The following HSD17B12 variants were observed in gnomAD, a reference collection of about 807,000 sequenced individuals.
HSD17B12 encodes very-long-chain 3-oxoacyl-CoA reductase.
Under a neutral mutation model 39.3 loss-of-function variants are expected in HSD17B12, and 32 were observed. That is an observed-to-expected ratio of 0.81 (90% CI 0.61 to 1.09). The LOEUF (loss-of-function observed/expected upper bound fraction) is 1.09, where lower values mean the gene tolerates loss of function less well. HSD17B12 is among the 50% of genes least tolerant of loss of function. HSD17B12 has a pLI of 0.00. For missense variants in HSD17B12, 342 were observed against 382.9 expected, an observed-to-expected ratio of 0.89 and a Z score of 0.89; for synonymous variants, 150 against 146.7, an observed-to-expected ratio of 1.02 and a Z score of -0.16.
chr11:43,831,435 G>A lies in HSD17B12; in HGVS notation c.536+425G>A, dbSNP rs1335582096. The A allele has an allele frequency of 6.5e-6, 1 of 153,042 alleles. No homozygotes were observed. The highest frequency in any genetic ancestry group is 1.5e-5 in the Non-Finnish European group (1 of 68,654). The allele number at this position is 153,042 out of a possible 1,614,324, so 9.5% of individuals were successfully genotyped here. A position where few individuals can be genotyped will look rare whatever the true frequency, so the allele number is the denominator to read the frequency against. ...GTTTTTCACTTTTTACTGGGAGAATGGCTGTTATATAAAGTGATTATAAGA... is the reference window on the plus strand; with the variant it reads ...GTTTTTCACTTTTTACTGGGAGAATAGCTGTTATATAAAGTGATTATAAGA... On this transcript the variant is annotated intron_variant, in intron 7 of 10. Transcript: ENST00000278353. This position sits in a 1 kb window ranked among gnomAD's most constrained non-coding sequence, Gnocchi z 4.1.
chr11:43,682,512 A>AG lies in HSD17B12; in HGVS notation c.160+1525_160+1526insG, dbSNP rs1491326552. ...AGCCGAGATCATGCCACTGCACTCC[A>AG]TCCAGCCTGGGTGACAGAGCGAGAC... On this transcript the variant is annotated intron_variant, in intron 1 of 10. Transcript: ENST00000278353. 4.9e-3 allele frequency among the ~76,000 whole-genome samples: 175 copies of AG among 35,472 alleles called. 1 individual carries two copies. The highest frequency in any genetic ancestry group is 0.018 in the African/African-American group (166 of 9,248). 23.3% of individuals were successfully genotyped at this position (35,472 alleles called of 152,430 possible). A position where few individuals can be genotyped will look rare whatever the true frequency, so the allele number is the denominator to read the frequency against.
In HSD17B12 at chr11:43,776,407, T is replaced by A. The variant is rs556064578; in HGVS notation, c.284-21913T>A. Among the ~76,000 whole-genome samples, 47 of 152,276 alleles carry A rather than the reference T, an allele frequency of 3.1e-4. No homozygotes were observed. In the South Asian group the frequency reaches 9.1e-3, roughly 30 times the overall value. On this transcript the variant is annotated intron_variant, in intron 3 of 10. Transcript: ENST00000278353. ...TTTTGGCTGCATAAATGTCTTCTTT[T>A]GAGAAGTGTCTGTTCATGTCCTTCG... is the stretch of plus-strand genomic sequence containing the variant.
At chr11:43,798,193 T>C (rs1237554987) in intron 3 of HSD17B12, 127 bp from the exon 4 acceptor site, 2 of 626,040 alleles carry the variant, frequency 3.2e-6, no homozygotes, top group African/African-American at 3.7e-5. Flanking sequence ...ATTATCCTGG[T>C]GTAAATTTTG....
chr11:43,651,599 T>G, the HSD17B12 span, among the ~76,000 whole-genome samples: 1 of 152,322 alleles, frequency 6.6e-6, no homozygotes, highest in East Asian at 1.9e-4. Context: ...ATTGATTGAT[T>G]GAGACAGTCT....
chr11:43,703,344 G>A (rs1405119653), intron 1 of HSD17B12, among the ~76,000 whole-genome samples: 30 of 152,074 alleles, frequency 2.0e-4, no homozygotes, highest in Non-Finnish European at 3.5e-4. Flanking sequence ...ACAGGCGCCC[G>A]CCACTACGCC....
At chr11:43,737,324 A>G (rs1173366266) in intron 1 of HSD17B12, among the ~76,000 whole-genome samples, 9 of 152,214 alleles carry the variant, frequency 5.9e-5, no homozygotes, top group African/African-American at 2.2e-4. Flanking sequence ...AGTTGAGGAC[A>G]AAAAGAGTAG....
At chr11:43,588,421 G>T in the HSD17B12 span, among the ~76,000 whole-genome samples, 3 of 152,154 alleles carry the variant, frequency 2.0e-5, no homozygotes, top group Admixed American at 6.5e-5. Context: ...GCAAGTTGTT[G>T]CTGCTGAGGC....
At chr11:43,759,976 A>G (rs1367551634) in intron 3 of HSD17B12, among the ~76,000 whole-genome samples, 1 of 151,830 alleles carries the variant, frequency 6.6e-6, no homozygotes, top group Non-Finnish European at 1.5e-5. Context: ...GCTCACTGCA[A>G]CCTACGTCTC....
chr11:43,810,483 A>G (rs1298970194), intron 4 of HSD17B12, among the ~76,000 whole-genome samples: 1 of 151,310 alleles, frequency 6.6e-6, no homozygotes, highest in Non-Finnish European at 1.5e-5. Context: ...GAGGTTCTGG[A>G]TGGGGGCCGA....
At chr11:43,803,764 A>C (rs944468002) in intron 4 of HSD17B12, among the ~76,000 whole-genome samples, 16 of 152,298 alleles carry the variant, frequency 1.1e-4, no homozygotes, top group Middle Eastern at 3.4e-3. Context: ...GAGAAGTTGG[A>C]TTCTTAACTC....
intron 4 of HSD17B12, among the ~76,000 whole-genome samples, chr11:43,814,876 C>T (rs973979688): frequency 6.6e-6 from 1 of 152,094 alleles, no homozygotes; most frequent in Non-Finnish European, 1.5e-5. Context: ...ATTTTTTCCC[C>T]ACTTTTTAAA....
At chr11:43,707,682 C>T (rs1950028343) in intron 1 of HSD17B12, among the ~76,000 whole-genome samples, 1 of 152,162 alleles carries the variant, frequency 6.6e-6, no homozygotes, top group African/African-American at 2.4e-5. Context: ...TAGTGAATCA[C>T]TTCTAAAATA....
At chr11:43,814,019 G>T (rs117618007) in intron 4 of HSD17B12, among the ~76,000 whole-genome samples, 1 of 152,038 alleles carries the variant, frequency 6.6e-6, no homozygotes, top group Non-Finnish European at 1.5e-5. Context: ...CTAATATCAG[G>T]TTTATATGGC....
the HSD17B12 span, among the ~76,000 whole-genome samples, chr11:43,614,224 A>T: frequency 8.5e-5 from 13 of 152,242 alleles, no homozygotes; most frequent in Admixed American, 6.5e-4. Context: ...GCTATCTTTA[A>T]AAGTCTTTAT....
chr11:43,647,858 A>G, the HSD17B12 span, among the ~76,000 whole-genome samples: 1 of 152,144 alleles, frequency 6.6e-6, no homozygotes, highest in Non-Finnish European at 1.5e-5. Flanking sequence ...ATGCTTATTA[A>G]TGATGAATTT....
intron 3 of HSD17B12, among the ~76,000 whole-genome samples, chr11:43,780,566 A>G (rs1372569327): frequency 6.6e-6 from 1 of 152,194 alleles, no homozygotes; most frequent in East Asian, 1.9e-4. Context: ...GCTGCTCAGG[A>G]TATCATCTCA....
chr11:43,680,600 GA>G (rs993535615), upstream of HSD17B12: 5 of 554,358 alleles, frequency 9.0e-6, no homozygotes, highest in South Asian at 4.0e-5. Flanking sequence ...AGGAGTGTGG[GA>G]GGGGCAGTGG....
chr11:43,626,118 A>T, the HSD17B12 span, among the ~76,000 whole-genome samples: 2 of 151,570 alleles, frequency 1.3e-5, no homozygotes, highest in Admixed American at 6.6e-5. Context: ...AATTTTTTTT[A>T]AATTGGATTT....
chr11:43,665,186 C>CTTAA, the HSD17B12 span, among the ~76,000 whole-genome samples: 1 of 152,322 alleles, frequency 6.6e-6, no homozygotes, highest in East Asian at 1.9e-4. Flanking sequence ...CCTAGAATTA[C>CTTAA]TCATGTCTTG....
Sources: gnomAD v4.1 joint callset for allele counts (sites outside exome capture counted in the v4.1 genomes callset) on GRCh38, gnomAD v4.1.1 for gene constraint, Gnocchi (gnomAD v3.1) non-coding constraint, MANE v1.5 for transcripts, NCBI Gene and HGNC (gene_info 2026-07-23, HGNC 2026-07-21) for gene names.